BCL2L13: variants seen among roughly 807,000 people sequenced by gnomAD.
BCL2L13 encodes the protein BCL2 like 13, also known as bcl-2-like protein 13.
Under a neutral mutation model 25.8 loss-of-function variants are expected in BCL2L13, and 13 were observed. The ratio of observed to expected loss-of-function variants is 0.50; its 90% CI spans 0.33 to 0.80. The LOEUF is 0.80. Among genes scored for constraint, BCL2L13 ranks in the 30% least tolerant of loss-of-function variants. BCL2L13 has a pLI of 0.02. For missense variants in BCL2L13, 504 were observed against 574.9 expected, an observed-to-expected ratio of 0.88 and a Z score of 1.26; for synonymous variants, 244 against 230.3, an observed-to-expected ratio of 1.06 and a Z score of -0.54.
At chr22:17,659,216 T>A (rs2058989702) in intron 2 of BCL2L13, among the ~76,000 whole-genome samples, 1 of 145,746 alleles carries the variant, frequency 6.9e-6, no homozygotes, top group African/African-American at 2.4e-5. Context: ...ATACAAAAAT[T>A]AGCTAGGTAT....
In BCL2L13 at chr22:17,659,181, T is replaced by C. The variant is rs190434409; in HGVS notation, c.121+3349T>C. Reference sequence around the variant, plus strand: ...GAGTTCAAGATCAGCCTGACCAATATGGTGAAACCCTGGTTCTACTAAAAA... The same window carrying C: ...GAGTTCAAGATCAGCCTGACCAATACGGTGAAACCCTGGTTCTACTAAAAA... On this transcript the variant is annotated intron_variant, in intron 2 of 6. Transcript: ENST00000317582. Among the ~76,000 whole-genome samples the C allele has an allele frequency of 2.5e-3, 361 of 143,912 alleles. 11 individuals are homozygous for C. Among genetic ancestry groups the C allele is most frequent in the African/African-American group, 8.4e-3 (339 of 40,462 alleles). The allele number at this position is 143,912 out of a possible 152,430, so 94.4% of individuals were successfully genotyped here.
At chr22:17,658,086 C>A (rs1254502975) in intron 2 of BCL2L13, among the ~76,000 whole-genome samples, 1 of 151,730 alleles carries the variant, frequency 6.6e-6, no homozygotes, top group African/African-American at 2.4e-5. Context: ...TCCCAAAGTG[C>A]TGGGATTACG....
chr22:17,729,775 C>T lies in BCL2L13; in HGVS notation c.*2241C>T, dbSNP rs1411829731. On this transcript the variant is annotated 3_prime_UTR_variant, in exon 7 of 7. Coordinates refer to ENST00000317582, the MANE Select transcript of BCL2L13 (RefSeq NM_015367.4). ...CCAGTTGTATTTCACGGTAATGGAA[C>T]TAGATAGTGTTTTCCATTGGCTTTC... 1 of 152,210 alleles carries T rather than the reference C, an allele frequency of 6.6e-6. No homozygotes were observed. The highest frequency in any genetic ancestry group is 6.5e-5 in the Admixed American group (1 of 15,278). The allele number at this position is 152,210 out of a possible 1,614,324, so 9.4% of individuals were successfully genotyped here.
In BCL2L13 at chr22:17,630,217, C is replaced by CAA. The variant is rs1491147593; in HGVS notation, c.-650+1218_-650+1219dup. 1.2e-3 allele frequency among the ~76,000 whole-genome samples: 84 copies of CAA among 71,450 alleles called. 2 individuals carry two copies. Among genetic ancestry groups the CAA allele is most frequent in the African/African-American group, 5.2e-3 (72 of 13,844 alleles). 46.9% of individuals were successfully genotyped at this position (71,450 alleles called of 152,430 possible). A position where few individuals can be genotyped will look rare whatever the true frequency, so the allele number is the denominator to read the frequency against. On this transcript the variant is annotated intron_variant, in intron 1 of 6. Coordinates refer to the BCL2L13 transcript ENST00000399782. ...GGGCAATAAGAGTGAGACTCCGTCTCAAAAAAACAAAAAAAAAAAAAACAA... is the reference window on the plus strand; with the variant it reads ...GGGCAATAAGAGTGAGACTCCGTCTCAAAAAAAAACAAAAAAAAAAAAAACAA...
At chr22:17,644,615 C>T (rs1319769936) in intron 1 of BCL2L13, among the ~76,000 whole-genome samples, 1 of 151,064 alleles carries the variant, frequency 6.6e-6, no homozygotes, top group African/African-American at 2.5e-5. Context: ...TAGGTATGAG[C>T]CACCACGCCC....
chr22:17,721,124 C>G (rs1334143699), intron 6 of BCL2L13, among the ~76,000 whole-genome samples: 5 of 151,776 alleles, frequency 3.3e-5, no homozygotes, highest in Non-Finnish European at 7.4e-5. Context: ...GAGCCGAGAT[C>G]GTGCCACTGT....
upstream of BCL2L13, among the ~76,000 whole-genome samples, chr22:17,635,719 T>G (rs2058092284): frequency 6.6e-6 from 1 of 151,944 alleles, no homozygotes; most frequent in African/African-American, 2.4e-5. Flanking sequence ...AACAATCTTT[T>G]TTTTTTTTTA....
chr22:17,654,266 G>T (rs1378884326), intron 1 of BCL2L13, among the ~76,000 whole-genome samples: 3 of 151,854 alleles, frequency 2.0e-5, no homozygotes, highest in Non-Finnish European at 4.4e-5. Flanking sequence ...CAGATGCCTG[G>T]CTAATTTTTA....
At chr22:17,638,142 T>G (rs2058145596), upstream of BCL2L13, 2 of 152,278 alleles carry the variant, frequency 1.3e-5, no homozygotes, top group Admixed American at 1.3e-4. Flanking sequence ...CGGATTCAAG[T>G]AAACAAACAT....
intron 3 of BCL2L13, among the ~76,000 whole-genome samples, chr22:17,688,108 C>T (rs1034231486): frequency 2.0e-5 from 3 of 152,118 alleles, no homozygotes; most frequent in East Asian, 1.9e-4. Flanking sequence ...CATGCGCCAC[C>T]GCGCCCGGCC....
At chr22:17,657,779 G>GTGCTAGGA (rs1442739978) in intron 2 of BCL2L13, among the ~76,000 whole-genome samples, 1 of 148,944 alleles carries the variant, frequency 6.7e-6, no homozygotes, top group East Asian at 2.0e-4. Context: ...GCCTCCCAAA[G>GTGCTAGGA]TGCTAGGATT....
intron 6 of BCL2L13, among the ~76,000 whole-genome samples, chr22:17,715,806 T>A (rs888931792): frequency 7.9e-5 from 12 of 152,146 alleles, no homozygotes; most frequent in African/African-American, 2.9e-4. Flanking sequence ...GGGTTGGAAT[T>A]GTTTTTAGCA....
intron 6 of BCL2L13, chr22:17,702,674 T>C (rs2060473418): frequency 4.3e-6 from 1 of 231,582 alleles, no homozygotes; most frequent in South Asian, 1.8e-4. Flanking sequence ...TTCAGTTGTT[T>C]ATAAATTTTC....
chr22:17,646,951 A>AT (rs1176648214), intron 1 of BCL2L13, among the ~76,000 whole-genome samples: 108 of 21,866 alleles, frequency 4.9e-3, no homozygotes, highest in East Asian at 0.012. Context: ...ATATATATAT[A>AT]TATATTTTTT....
chr22:17,684,957 G>C (rs886469304), intron 3 of BCL2L13, among the ~76,000 whole-genome samples: 1 of 151,812 alleles, frequency 6.6e-6, no homozygotes, highest in Non-Finnish European at 1.5e-5. Context: ...TGGTCTCGTT[G>C]ATCTCCTGAC....
intron 1 of BCL2L13, among the ~76,000 whole-genome samples, chr22:17,631,688 ATATATATATATATATATATTTTTTTTTTT>A (rs1568903724): frequency 2.3e-4 from 11 of 48,136 alleles, no homozygotes; most frequent in African/African-American, 7.9e-4. Context: ...ATATATATAT[ATATATATATATATATATATTTTTTTTTTT>A]TTTTTTTTTT....
intron 2 of BCL2L13, among the ~76,000 whole-genome samples, chr22:17,667,403 T>A (rs2059265818): frequency 6.6e-6 from 1 of 152,144 alleles, no homozygotes; most frequent in Non-Finnish European, 1.5e-5. Context: ...ACTCCTGACC[T>A]CATGTGATCT....
rs3044620 is a variant in BCL2L13 at position 17,721,525 on chromosome 22, AT to A, written c.601-5134del. The stretch of plus-strand genomic sequence containing the variant: ...TTTTAAGTCATGACACTTATAAGAA[AT>A]TTTTTTTTTTTTTTTTTGAGACGTA... On this transcript the variant is annotated intron_variant, in intron 6 of 6. Transcript: ENST00000317582. 5.0e-4 allele frequency among the ~76,000 whole-genome samples: 61 copies of A among 122,774 alleles called. 1 individual carries two copies. The highest frequency in any genetic ancestry group is 2.5e-3 in the Admixed American group (27 of 10,722). The allele number at this position is 122,774 out of a possible 152,430, so 80.5% of individuals were successfully genotyped here. A position where few individuals can be genotyped will look rare whatever the true frequency, so the allele number is the denominator to read the frequency against.
intron 1 of BCL2L13, among the ~76,000 whole-genome samples, chr22:17,645,037 C>T (rs2058425136): frequency 6.7e-6 from 1 of 149,796 alleles, no homozygotes; most frequent in African/African-American, 2.5e-5. Flanking sequence ...TCTCGATCTC[C>T]TAACCTCGTG....
Sources: allele counts gnomAD v4.1 joint callset (sites outside exome capture counted in the v4.1 genomes callset), GRCh38; gene constraint gnomAD v4.1.1; transcripts MANE v1.5; gene names NCBI Gene and HGNC (gene_info 2026-07-23, HGNC 2026-07-21).